The following LHFPL6 variants were observed in gnomAD, a reference collection of about 807,000 sequenced individuals.
The protein encoded by LHFPL6 is LHFPL tetraspan subfamily member 6 protein.
In LHFPL6, 9 loss-of-function variants were observed where a neutral mutation model predicts 20.6. The ratio of observed to expected loss-of-function variants is 0.44; its 90% CI spans 0.26 to 0.76. The LOEUF is 0.76. Among genes scored for constraint, LHFPL6 ranks in the 30% least tolerant of loss-of-function variants. The pLI, the probability that LHFPL6 is intolerant of heterozygous loss-of-function variation, is 0.20. For synonymous variants in LHFPL6, 105 were observed against 98.7 expected (o/e 1.06, Z -0.38); for missense variants, 218 against 253.5 (o/e 0.86, Z 0.95).
At position 39,594,553 on chromosome 13, in the gene LHFPL6, G is replaced by A. The variant is rs181413510; in HGVS notation, c.385+6279C>T. 1.6e-3 allele frequency among the ~76,000 whole-genome samples: 243 copies of A among 152,342 alleles called. 1 individual carries two copies. The highest frequency in any genetic ancestry group is 5.6e-3 in the African/African-American group (233 of 41,570). Reference sequence around the variant, plus strand: ...ACTAGTTCAACCATTGTGGACGTCGGTGTGGCGATTCCTCAGGGATCTAGA... The same window carrying A: ...ACTAGTTCAACCATTGTGGACGTCGATGTGGCGATTCCTCAGGGATCTAGA... On this transcript the variant is annotated intron_variant, in intron 2 of 3. Coordinates refer to ENST00000379589, the MANE Select transcript of LHFPL6 (RefSeq NM_005780.3).
intron 2 of LHFPL6, among the ~76,000 whole-genome samples, chr13:39,583,785 C>T (rs1872361819): frequency 6.6e-6 from 1 of 152,198 alleles, no homozygotes; most frequent in Admixed American, 6.5e-5. Flanking sequence ...TTAATCTCAT[C>T]AATATCCTGA....
At position 39,549,151 on chromosome 13, in the gene LHFPL6, G is replaced by T. The variant is rs111584396; in HGVS notation, c.385+51681C>A. Among the ~76,000 whole-genome samples the T allele has an allele frequency of 2.7e-3, 410 of 152,242 alleles. 5 individuals are homozygous for T. Among genetic ancestry groups the T allele is most frequent in the African/African-American group, 9.4e-3 (392 of 41,504 alleles). On this transcript the variant is annotated intron_variant, in intron 2 of 3. Transcript: ENST00000379589. Reference sequence around the variant, plus strand: ...ATGGATGGATGGCAAACAGGCATATGAAATAATGTTCACTGACCATCAGGA... The same window carrying T: ...ATGGATGGATGGCAAACAGGCATATTAAATAATGTTCACTGACCATCAGGA...
At chr13:39,390,653 A>G (rs1054710304) in intron 2 of LHFPL6, among the ~76,000 whole-genome samples, 3 of 152,212 alleles carry the variant, frequency 2.0e-5, no homozygotes, top group African/African-American at 7.2e-5. Context: ...ACCATGGAAC[A>G]CAACTGTACG....
intron 2 of LHFPL6, among the ~76,000 whole-genome samples, chr13:39,466,768 A>T (rs1467263092): frequency 6.6e-6 from 1 of 152,254 alleles, no homozygotes; most frequent in East Asian, 1.9e-4. Flanking sequence ...CTTCATCGGC[A>T]AACACCTTTC....
intron 2 of LHFPL6, among the ~76,000 whole-genome samples, chr13:39,417,599 A>C (rs1871379925): frequency 6.6e-6 from 1 of 152,206 alleles, no homozygotes. Flanking sequence ...TTCTGCAAAA[A>C]TTCATTAGCT....
intron 2 of LHFPL6, among the ~76,000 whole-genome samples, chr13:39,405,854 T>C (rs940368588): frequency 6.6e-6 from 1 of 152,116 alleles, no homozygotes; most frequent in Non-Finnish European, 1.5e-5. Context: ...ACACACAAGA[T>C]TAGTCCGAGT....
intron 2 of LHFPL6, among the ~76,000 whole-genome samples, chr13:39,472,226 G>C (rs1004944770): frequency 3.3e-5 from 5 of 152,108 alleles, no homozygotes; most frequent in African/African-American, 1.2e-4. Flanking sequence ...CCATTGCACA[G>C]GAGAAAGGAC....
intron 2 of LHFPL6, among the ~76,000 whole-genome samples, chr13:39,388,844 C>T (rs182921544): frequency 6.6e-6 from 1 of 152,312 alleles, no homozygotes; most frequent in Admixed American, 6.5e-5. Flanking sequence ...CCCCTGACAT[C>T]TGTACAGATC....
chr13:39,487,986 T>TG (rs1868782302), intron 2 of LHFPL6, among the ~76,000 whole-genome samples: 2 of 152,252 alleles, frequency 1.3e-5, no homozygotes, highest in African/African-American at 4.8e-5. Flanking sequence ...TCCAGTGCTA[T>TG]GGTCTGAATG....
At chr13:39,351,739 C>T (rs1193374616) in intron 3 of LHFPL6, among the ~76,000 whole-genome samples, 3 of 152,142 alleles carry the variant, frequency 2.0e-5, no homozygotes, top group African/African-American at 4.8e-5. Context: ...GCTGAGTCTT[C>T]GCCAGTCCCA....
chr13:39,363,904 A>C (rs992257522), intron 3 of LHFPL6, among the ~76,000 whole-genome samples: 2 of 152,234 alleles, frequency 1.3e-5, no homozygotes, highest in Non-Finnish European at 2.9e-5. Context: ...ACATTGGGAC[A>C]TATATTGCTT....
chr13:39,571,371 T>A (rs1871910152), intron 2 of LHFPL6, among the ~76,000 whole-genome samples: 1 of 152,216 alleles, frequency 6.6e-6, no homozygotes, highest in Non-Finnish European at 1.5e-5. Context: ...TACACCGTCA[T>A]ATCCAACTTT....
rs34788149 is a variant in LHFPL6, at chr13:39,431,717, T to TGGG, written c.386-53194_386-53192dup. ...TAAGCCAAAAGCCCTGTAGAATTTG[T>TGGG]GGGGGGGGGGGGCTTCCTCTCATAT... On this transcript the variant is annotated intron_variant, in intron 2 of 3. Transcript: ENST00000379589. Among the ~76,000 whole-genome samples the TGGG allele has an allele frequency of 5.0e-3, 480 of 95,752 alleles. 10 individuals are homozygous for TGGG. The highest frequency in any genetic ancestry group is 0.012 in the South Asian group (32 of 2,612). 62.8% of individuals were successfully genotyped at this position (95,752 alleles called of 152,430 possible).
intron 2 of LHFPL6, among the ~76,000 whole-genome samples, chr13:39,410,264 C>G (rs1871215506): frequency 6.6e-6 from 1 of 152,218 alleles, no homozygotes; most frequent in African/African-American, 2.4e-5. Context: ...ATTCATTTGG[C>G]TTTCAGCAGG....
intron 2 of LHFPL6, among the ~76,000 whole-genome samples, chr13:39,585,734 C>A (rs1268646773): frequency 6.6e-6 from 1 of 152,152 alleles, no homozygotes; most frequent in Admixed American, 6.5e-5. Context: ...CCTGTTTGCC[C>A]AATGGGACTC....
chr13:39,479,772 ATAC>A (rs1868442301), intron 2 of LHFPL6, among the ~76,000 whole-genome samples: 1 of 152,242 alleles, frequency 6.6e-6, no homozygotes, highest in Non-Finnish European at 1.5e-5. Context: ...TATAGTCTGC[ATAC>A]TAATAGCAAA....
chr13:39,390,254 A>T (rs1870670602), intron 2 of LHFPL6, among the ~76,000 whole-genome samples: 1 of 152,154 alleles, frequency 6.6e-6, no homozygotes, highest in African/African-American at 2.4e-5. Flanking sequence ...GCCCTGCCAC[A>T]GTGAGCTAAC....
At chr13:39,480,202 C>T (rs1406330146) in intron 2 of LHFPL6, among the ~76,000 whole-genome samples, 4 of 152,106 alleles carry the variant, frequency 2.6e-5, no homozygotes, top group African/African-American at 9.7e-5. Context: ...AAGAAGAAAA[C>T]AATCTGAACC....
chr13:39,417,394 A>G (rs141797556), intron 2 of LHFPL6, among the ~76,000 whole-genome samples: 19 of 151,672 alleles, frequency 1.3e-4, no homozygotes, highest in Middle Eastern at 6.9e-3. Context: ...AGAAGCTGAC[A>G]TTCCTCAAAG....
Sources: allele counts gnomAD v4.1 joint callset (sites outside exome capture counted in the v4.1 genomes callset), GRCh38; gene constraint gnomAD v4.1.1; transcripts MANE v1.5; gene names NCBI Gene and HGNC (gene_info 2026-07-23, HGNC 2026-07-21).